The following GRIP1 variants were observed in gnomAD, a reference collection of about 807,000 sequenced individuals.
GRIP1 encodes glutamate receptor interacting protein 1, also known as glutamate receptor-interacting protein 1.
Under a neutral mutation model 129.9 loss-of-function variants are expected in GRIP1, and 45 were observed. That is an observed-to-expected ratio of 0.35 (90% CI 0.27 to 0.44). The LOEUF is 0.44. Among genes scored for constraint, GRIP1 ranks in the 20% least tolerant of loss-of-function variants. The probability of loss-of-function intolerance (pLI) is 1.00; values close to 1 mark genes in which losing one functional copy is unlikely to be tolerated. For synonymous variants in GRIP1, 530 were observed against 520.8 expected, an observed-to-expected ratio of 1.02 and a Z score of -0.24; for missense variants, 1,196 against 1,396.8, an observed-to-expected ratio of 0.86 and a Z score of 2.29.
intron 1 of GRIP1, among the ~76,000 whole-genome samples, chr12:66,981,896 G>A (rs1040268043): frequency 1.3e-5 from 2 of 152,050 alleles, no homozygotes; most frequent in East Asian, 3.9e-4. Context: ...TAAATGTTAG[G>A]CTTCTACACT....
At chr12:66,778,199 T>C (rs553444360) in intron 1 of GRIP1, among the ~76,000 whole-genome samples, 1 of 152,276 alleles carries the variant, frequency 6.6e-6, no homozygotes, top group Non-Finnish European at 1.5e-5. Flanking sequence ...CAATCATATA[T>C]GCAGCTTGAA....
chr12:67,018,148 G>A (rs2042815160), intron 1 of GRIP1, among the ~76,000 whole-genome samples: 1 of 152,114 alleles, frequency 6.6e-6, no homozygotes, highest in Non-Finnish European at 1.5e-5. Flanking sequence ...GCCTTTCTCA[G>A]TGGGTTCTGT....
intron 1 of GRIP1, among the ~76,000 whole-genome samples, chr12:66,749,131 G>C (rs2037045484): frequency 6.6e-6 from 1 of 152,104 alleles, no homozygotes; most frequent in Non-Finnish European, 1.5e-5. Context: ...TTTTAGCTAG[G>C]TGTTTTTATT....
rs112130139 is a variant in GRIP1 at position 66,966,488 on chromosome 12, A to G, written c.58+102562T>C. ...CAATATTGATACATCATTATTAACT[A>G]AAGTCCATACTTTATTCAATTGTCT... On this transcript the variant is annotated intron_variant, in intron 1 of 1. Transcript: ENST00000643019. Among the ~76,000 whole-genome samples, 750 of 152,300 alleles carry G rather than the reference A, an allele frequency of 4.9e-3. 7 individuals are homozygous for G. Among genetic ancestry groups the G allele is most frequent in the African/African-American group, 0.017 (697 of 41,580 alleles).
chr12:66,393,209 C>T lies in GRIP1; in HGVS notation c.2130-393G>A, dbSNP rs183504740. 9.3e-5 allele frequency among the ~76,000 whole-genome samples: 11 copies of T among 117,780 alleles called. No individual in the cohort carries two copies. The East Asian group carries it at 3.2e-3, about 34-fold the overall frequency. 77.3% of individuals were successfully genotyped at this position (117,780 alleles called of 152,430 possible). A position where few individuals can be genotyped will look rare whatever the true frequency, so the allele number is the denominator to read the frequency against. On this transcript the variant is annotated intron_variant, in intron 17 of 24. Coordinates refer to ENST00000359742, the MANE Select transcript of GRIP1 (RefSeq NM_001366722.1). Reference sequence around the variant, plus strand: ...TTTTTTTTTTTTTGAGACAGAGCCTCACTGTGTCACCCAGGCTGGAGTCCA... The same window carrying T: ...TTTTTTTTTTTTTGAGACAGAGCCTTACTGTGTCACCCAGGCTGGAGTCCA...
In GRIP1 at chr12:66,347,676, T is replaced by C. The variant is rs1001563637; in HGVS notation, c.*1343A>G. 3.3e-5 allele frequency: 5 copies of C among 152,220 alleles called. No individual in the cohort carries two copies. Among genetic ancestry groups the C allele is most frequent in the African/African-American group, 9.6e-5 (4 of 41,460 alleles). The allele number at this position is 152,220 out of a possible 1,614,324, so 9.4% of individuals were successfully genotyped here. ...GATCTTTTTTTCTTTTTTCTTAACA[T>C]GATCCTGCTTTATACTTTCTTGCCC... is the stretch of plus-strand genomic sequence containing the variant. On this transcript the variant is annotated 3_prime_UTR_variant, in exon 25 of 25. Transcript: ENST00000359742.
At chr12:66,622,388 C>T (rs1198942252) in intron 1 of GRIP1, among the ~76,000 whole-genome samples, 2 of 151,536 alleles carry the variant, frequency 1.3e-5, no homozygotes, top group Non-Finnish European at 2.9e-5. Flanking sequence ...CTACAGTCAA[C>T]AATAATTTAT....
chr12:66,406,252 A>G (rs2057186658), intron 16 of GRIP1, 31 bp downstream of exon 16: 12 of 1,612,056 alleles, frequency 7.4e-6, no homozygotes, highest in Non-Finnish European at 9.3e-6. Flanking sequence ...CAGTTCGAAA[A>G]ATCAGTTTTA....
At chr12:66,455,319 A>G in intron 11 of GRIP1, 90 bp downstream of exon 11, 1 of 1,217,444 alleles carries the variant, frequency 8.2e-7, no homozygotes, top group Non-Finnish European at 1.2e-6. Context: ...GCAACTGTGA[A>G]ACACTCTTCC....
chr12:66,873,453 C>G (rs2040330929), intron 1 of GRIP1, among the ~76,000 whole-genome samples: 1 of 152,078 alleles, frequency 6.6e-6, no homozygotes, highest in Non-Finnish European at 1.5e-5. Context: ...TGCAGAAGTT[C>G]AGACAGCCAG....
At chr12:67,015,130 C>A (rs368327012) in intron 1 of GRIP1, among the ~76,000 whole-genome samples, 1 of 152,052 alleles carries the variant, frequency 6.6e-6, no homozygotes, top group Non-Finnish European at 1.5e-5. Flanking sequence ...AGAAAAAAAG[C>A]GAGGAAGACG....
chr12:66,657,076 C>T (rs975323024), intron 1 of GRIP1, among the ~76,000 whole-genome samples: 5 of 151,974 alleles, frequency 3.3e-5, no homozygotes, highest in African/African-American at 9.7e-5. Context: ...AAAATGGGAG[C>T]AATTCATTTT....
intron 1 of GRIP1, among the ~76,000 whole-genome samples, chr12:66,685,256 TGAG>T (rs1271560644): frequency 2.0e-5 from 3 of 152,176 alleles, no homozygotes; most frequent in Non-Finnish European, 2.9e-5. Context: ...TATGAATGTC[TGAG>T]TAGTTCTTTG....
chr12:67,034,480 T>C (rs985034054), intron 1 of GRIP1, among the ~76,000 whole-genome samples: 1 of 152,062 alleles, frequency 6.6e-6, no homozygotes, highest in Non-Finnish European at 1.5e-5. Flanking sequence ...TAAGCAACCA[T>C]AACATAATGC....
chr12:66,395,947 CA>C (rs1256566086), intron 16 of GRIP1, among the ~76,000 whole-genome samples: 6 of 152,122 alleles, frequency 3.9e-5, no homozygotes, highest in African/African-American at 1.4e-4. Context: ...CAGCAGAGGT[CA>C]AAAGTCTAAA....
chr12:66,519,551 T>C lies in GRIP1; in HGVS notation c.503-1575A>G, dbSNP rs74098366. 5.5e-3 allele frequency among the ~76,000 whole-genome samples: 839 copies of C among 152,322 alleles called. 14 individuals are homozygous for C. The highest frequency in any genetic ancestry group is 0.019 in the African/African-American group (800 of 41,566). On this transcript the variant is annotated intron_variant, in intron 5 of 24. Transcript: ENST00000359742. ...AATTTCAATATGTAATATCGAATGCTTGTTAAAGTGTGAGGTAGTTTTATA... is the reference window on the plus strand; with the variant it reads ...AATTTCAATATGTAATATCGAATGCCTGTTAAAGTGTGAGGTAGTTTTATA...
chr12:67,054,108 T>C (rs897592489), intron 1 of GRIP1, among the ~76,000 whole-genome samples: 1 of 152,174 alleles, frequency 6.6e-6, no homozygotes, highest in African/African-American at 2.4e-5. Flanking sequence ...AGGCAAGATA[T>C]GGAATATAAA....
At chr12:66,792,427 G>T (rs192713856) in intron 1 of GRIP1, among the ~76,000 whole-genome samples, 1 of 152,138 alleles carries the variant, frequency 6.6e-6, no homozygotes, top group East Asian at 1.9e-4. Flanking sequence ...TTTTTTGTAG[G>T]AGCTGGGCAT....
At chr12:66,740,660 A>G (rs2036760439) in intron 1 of GRIP1, among the ~76,000 whole-genome samples, 3 of 152,252 alleles carry the variant, frequency 2.0e-5, no homozygotes, top group Admixed American at 1.3e-4. Flanking sequence ...ACTTACATCT[A>G]TAAGAGCAGT....
Sources: allele counts gnomAD v4.1 joint callset (sites outside exome capture counted in the v4.1 genomes callset), GRCh38; gene constraint gnomAD v4.1.1; transcripts MANE v1.5; gene names NCBI Gene and HGNC (gene_info 2026-07-23, HGNC 2026-07-21).